The following C7 variants were observed in gnomAD, a reference collection of about 807,000 sequenced individuals.
C7 encodes complement C7, also known as complement component C7.
In C7, 83 loss-of-function variants were observed where a neutral mutation model predicts 104.8. The observed-to-expected ratio is 0.79, with a 90% CI of 0.66 to 0.95. The LOEUF (loss-of-function observed/expected upper bound fraction) is 0.95, where lower values mean the gene tolerates loss of function less well. Ranked by LOEUF, C7 falls within the 40% of genes least tolerant of loss-of-function variation. The pLI is 0.00. For missense variants in C7, 1,070 were observed against 1,011.2 expected (o/e 1.06, Z -0.79); for synonymous variants, 415 against 360.6 (o/e 1.15, Z -1.71).
At chr5:40,965,288 C>A (rs1349399095) in intron 14 of C7, among the ~76,000 whole-genome samples, 1 of 152,126 alleles carries the variant, frequency 6.6e-6, no homozygotes, top group Non-Finnish European at 1.5e-5. Context: ...ACTACTCTGG[C>A]TTCCATCTCT....
chr5:40,978,140 G>GAAAAA (rs869311131), intron 16 of C7, among the ~76,000 whole-genome samples: 4 of 107,632 alleles, frequency 3.7e-5, no homozygotes, highest in East Asian at 2.7e-4. Context: ...ATCTCAAAAA[G>GAAAAA]AAAAAAAAAA....
At chr5:40,952,962 G>T (rs930928259) in intron 9 of C7, among the ~76,000 whole-genome samples, 7 of 151,610 alleles carry the variant, frequency 4.6e-5, no homozygotes, top group African/African-American at 1.2e-4. Flanking sequence ...CTTACCTGGG[G>T]GATTCTCTTA....
chr5:40,943,708 T>C (rs972900739), intron 6 of C7, among the ~76,000 whole-genome samples: 4 of 147,640 alleles, frequency 2.7e-5, no homozygotes, highest in Non-Finnish European at 2.9e-5. Context: ...TATATATATA[T>C]ACACACAGAC....
At chr5:40,939,376 C>A (rs576265734) in intron 6 of C7, among the ~76,000 whole-genome samples, 21 of 152,128 alleles carry the variant, frequency 1.4e-4, no homozygotes, top group Non-Finnish European at 2.6e-4. Context: ...GGAAAGTAAG[C>A]AATATTTTAC....
At chr5:40,968,594 ATATATATTTTTTTTTTTTTTT>A (rs1305786302) in intron 14 of C7, among the ~76,000 whole-genome samples, 492 of 25,780 alleles carry the variant, frequency 0.019, no homozygotes, top group South Asian at 0.048. Context: ...ATATATATAT[ATATATATTTTTTTTTTTTTTT>A]TTTTTTTTTT....
Position 40,964,747 on chromosome 5 carries a change from G to T in C7, c.1756G>T (p.Gly586Cys). 6.2e-7 allele frequency: 1 copy of T among 1,612,752 alleles called. No homozygotes were observed. ...ATCTTTTACTTTTGTTTAGGATGAA[G>T]GTACAATGTTTCCTGTGGGGAAAAA... ...ALKDGFVQDEGTMFPVGKNVV... is the reference protein window; with the variant it reads ...ALKDGFVQDECTMFPVGKNVV... The change falls in exon 14 of 18, where the codon GGT becomes TGT. Residue 586 changes from glycine (G) to cysteine (C), a missense_variant. Transcript: ENST00000313164.
At chr5:40,922,194 G>A (rs1450451744) in intron 1 of C7, among the ~76,000 whole-genome samples, 2 of 151,398 alleles carry the variant, frequency 1.3e-5, no homozygotes, top group Admixed American at 1.3e-4. Context: ...GGCCAACATA[G>A]TGAAAGCCCA....
chr5:40,918,991 C>CACACACACAG (rs1554040832), intron 1 of C7, among the ~76,000 whole-genome samples: 4 of 148,872 alleles, frequency 2.7e-5, no homozygotes, highest in Non-Finnish European at 6.0e-5. Context: ...CACACACACA[C>CACACACACAG]AGAACATTCC....
At chr5:40,954,190 T>G (rs1198951673) in intron 9 of C7, among the ~76,000 whole-genome samples, 1 of 152,204 alleles carries the variant, frequency 6.6e-6, no homozygotes, top group Non-Finnish European at 1.5e-5. Context: ...TCATTGTTAG[T>G]ATACCAGATG....
At chr5:40,975,394 C>T (rs1330686471) in intron 15 of C7, among the ~76,000 whole-genome samples, 3 of 140,444 alleles carry the variant, frequency 2.1e-5, no homozygotes, top group South Asian at 2.3e-4. Context: ...GACAAGGTCT[C>T]GCTTGTCCAG....
intron 12 of C7, among the ~76,000 whole-genome samples, chr5:40,960,667 A>T (rs976446966): frequency 1.2e-4 from 18 of 152,150 alleles, no homozygotes; most frequent in African/African-American, 4.3e-4. Flanking sequence ...GAGGGGAAGT[A>T]TCATCTTTCT....
chr5:40,939,540 T>G (rs887556912), intron 6 of C7, among the ~76,000 whole-genome samples: 1 of 152,228 alleles, frequency 6.6e-6, no homozygotes, highest in African/African-American at 2.4e-5. Context: ...GTGTTTCACT[T>G]ATTTTTCAAT....
intron 15 of C7, among the ~76,000 whole-genome samples, chr5:40,974,887 G>A (rs537597741): frequency 6.6e-6 from 1 of 152,092 alleles, no homozygotes; most frequent in East Asian, 1.9e-4. Flanking sequence ...GGAATTTTAG[G>A]TCTAATAATT....
Position 40,982,621 on chromosome 5 carries a change from GA to G in C7, c.*1050del. ...GCCCCTGTTCTTTTTTCTTTTGAAA[GA>G]ACATCAGTTCATGCCTGAGGCATGA... On this transcript the variant is annotated 3_prime_UTR_variant, in exon 18 of 18. Transcript: ENST00000313164. The G allele has an allele frequency of 6.6e-6, 1 of 152,414 alleles. No individual in the cohort carries two copies. The highest frequency in any genetic ancestry group is 3.4e-3 in the Middle Eastern group (1 of 294). 9.4% of individuals were successfully genotyped at this position (152,414 alleles called of 1,614,324 possible).
chr5:40,972,297 C>CTAA, intron 14 of C7, 106 bp from the exon 15 acceptor site: 1 of 894,698 alleles, frequency 1.1e-6, no homozygotes, highest in South Asian at 1.5e-5. Flanking sequence ...TCCTTGTCCT[C>CTAA]TAATATGAAA....
intron 1 of C7, among the ~76,000 whole-genome samples, chr5:40,916,980 CA>C (rs1238202717): frequency 6.6e-6 from 1 of 151,548 alleles, no homozygotes; most frequent in Admixed American, 6.6e-5. Flanking sequence ...ACTAAAAATT[CA>C]AAAATTAGCC....
chr5:40,958,179 G>A lies in C7; in HGVS notation c.1407G>A (p.Glu469=). The A allele has an allele frequency of 6.2e-7, 1 of 1,613,756 alleles. No individual in the cohort carries two copies. Residue 469 remains glutamate, a synonymous_variant, in exon 11 of 18, where the codon GAG becomes GAA. Coordinates refer to ENST00000313164, the MANE Select transcript of C7 (RefSeq NM_000587.4). ...PCQNGGLATV[E]GTHCLCHCKP... ...AAAATGGTGGTTTGGCTACTGTTGAGGGGACCCATTGTCTGTGCCATTGCA... is the reference window on the plus strand; with the variant it reads ...AAAATGGTGGTTTGGCTACTGTTGAAGGGACCCATTGTCTGTGCCATTGCA...
intron 2 of C7, among the ~76,000 whole-genome samples, chr5:40,930,660 T>A: frequency 6.6e-6 from 1 of 152,050 alleles, no homozygotes; most frequent in Admixed American, 6.6e-5. Context: ...TCTCCTGGGT[T>A]CCAGTGATTC....
chr5:40,949,676 T>C (rs1052344347), intron 8 of C7, among the ~76,000 whole-genome samples: 1 of 152,164 alleles, frequency 6.6e-6, no homozygotes, highest in African/African-American at 2.4e-5. Flanking sequence ...CACCTTTTTA[T>C]GTAGAAATCT....
Sources: allele counts gnomAD v4.1 joint callset (sites outside exome capture counted in the v4.1 genomes callset), GRCh38; gene constraint gnomAD v4.1.1; transcripts MANE v1.5; gene names NCBI Gene and HGNC (gene_info 2026-07-23, HGNC 2026-07-21).